ACVR1B: variants seen among roughly 807,000 people sequenced by gnomAD.
The protein encoded by ACVR1B is activin A receptor type 1B, also known as activin receptor type-1B.
A neutral mutation model predicts 55.6 loss-of-function variants in ACVR1B; 15 were observed. The ratio of observed to expected loss-of-function variants is 0.27; its 90% CI spans 0.18 to 0.42. The LOEUF is 0.42. ACVR1B is among the 10% of genes least tolerant of loss of function. The pLI is 1.00. For synonymous variants in ACVR1B, 247 were observed against 254.6 expected (o/e 0.97, Z 0.28); for missense variants, 359 against 670.1 (o/e 0.54, Z 5.13).
chr12:51,962,983 G>A (rs1042660396), intron 1 of ACVR1B, among the ~76,000 whole-genome samples: 21 of 152,150 alleles, frequency 1.4e-4, no homozygotes, highest in African/African-American at 4.6e-4. Context: ...AGAGATTCCC[G>A]GACACGGTGG....
chr12:51,983,113 C>A (rs1942011360), intron 4 of ACVR1B, among the ~76,000 whole-genome samples: 1 of 152,186 alleles, frequency 6.6e-6, no homozygotes, highest in Admixed American at 6.5e-5. Flanking sequence ...TCGTTCTTGC[C>A]TTTTTAACAT....
rs1407444251 is a variant in ACVR1B, at chr12:51,996,246, G to GTA, written c.*2138_*2139dup. 6.6e-6 allele frequency: 1 copy of GTA among 152,544 alleles called. No homozygotes were observed. The highest frequency in any genetic ancestry group is 6.5e-5 in the Admixed American group (1 of 15,278). 9.4% of individuals were successfully genotyped at this position (152,544 alleles called of 1,614,324 possible). On this transcript the variant is annotated 3_prime_UTR_variant, in exon 9 of 9. Coordinates refer to ENST00000257963, the MANE Select transcript of ACVR1B (RefSeq NM_004302.5). ...CCCCCTTCCTGTCCCCAGGGGAGGTGTATTGTGTATGTAGCCTTAGAGCAT... is the reference window on the plus strand; with the variant it reads ...CCCCCTTCCTGTCCCCAGGGGAGGTGTATATTGTGTATGTAGCCTTAGAGCAT...
At chr12:51,987,301 G>T in intron 7 of ACVR1B, 2 of 570,150 alleles carry the variant, frequency 3.5e-6, no homozygotes, top group Non-Finnish European at 6.2e-6. Context: ...TTCTAACGCG[G>T]TGGCTCCCAA....
chr12:51,969,387 A>G (rs549427674), intron 1 of ACVR1B, among the ~76,000 whole-genome samples: 4 of 152,264 alleles, frequency 2.6e-5, no homozygotes, highest in Non-Finnish European at 5.9e-5. Context: ...AACACAGTCT[A>G]TTTCTTTAAA....
At chr12:51,991,483 C>T (rs1264112382) in intron 7 of ACVR1B, among the ~76,000 whole-genome samples, 2 of 152,232 alleles carry the variant, frequency 1.3e-5, no homozygotes, top group Non-Finnish European at 2.9e-5. Context: ...CTCACTGCAA[C>T]CTCTGCCTCC....
intron 1 of ACVR1B, among the ~76,000 whole-genome samples, chr12:51,968,494 A>G (rs1941684596): frequency 1.3e-5 from 2 of 152,096 alleles, no homozygotes; most frequent in South Asian, 4.1e-4. Flanking sequence ...CTGCAACTAT[A>G]TTTCCCATCC....
In ACVR1B at chr12:51,976,309, C is replaced by T; in HGVS notation, c.332-18C>T. The T allele has an allele frequency of 6.2e-7, 1 of 1,613,490 alleles. No individual in the cohort carries two copies. The highest frequency in any genetic ancestry group is 8.5e-7 in the Non-Finnish European group (1 of 1,179,480). On this transcript the variant is annotated intron_variant, in intron 2 of 8. Transcript: ENST00000257963. The stretch of plus-strand genomic sequence containing the variant: ...TTTTACTTCTCATTCTTTCCCTCTC[C>T]TCTCTCACTTGACTCAGGTCACCTC...
Position 51,951,752 on chromosome 12 carries a change from G to C in ACVR1B, c.9G>C (p.Glu3Asp). 2.4e-6 allele frequency: 3 copies of C among 1,275,970 alleles called. No individual in the cohort carries two copies. In the African/African-American group the frequency reaches 4.6e-5, roughly 20 times the overall value. The allele number at this position is 1,275,970 out of a possible 1,614,324, so 79.0% of individuals were successfully genotyped here. MA[E>D]SAGASSFFPL... Reference sequence around the variant, plus strand: ...CGGCGGCGGTGGTTACTATGGCGGAGTCGGCCGGAGCCTCCTCCTTCTTCC... The same window carrying C: ...CGGCGGCGGTGGTTACTATGGCGGACTCGGCCGGAGCCTCCTCCTTCTTCC... The change falls in exon 1 of 9, where the codon GAG (glutamate) becomes GAC (aspartate). Residue 3 changes from glutamate to aspartate, a missense_variant. Glu to Asp is a conservative substitution (Grantham distance 45). This residue lies in a region of ACVR1B where 48 missense variants were observed against 40.6 expected (regional missense o/e 1.18). Transcript: ENST00000257963.
intron 1 of ACVR1B, among the ~76,000 whole-genome samples, chr12:51,954,651 G>C (rs1941374898): frequency 6.6e-6 from 1 of 152,136 alleles, no homozygotes; most frequent in South Asian, 2.1e-4. Flanking sequence ...GAGGGAGGAG[G>C]CTGGTTTTCA....
chr12:51,967,262 CAAAT>C (rs530836691), intron 1 of ACVR1B, among the ~76,000 whole-genome samples: 2 of 145,468 alleles, frequency 1.4e-5, no homozygotes, highest in African/African-American at 5.1e-5. Context: ...AACAAACAAA[CAAAT>C]AAAAACATTA....
chr12:51,960,169 C>A (rs34888988), intron 1 of ACVR1B: 1,875 of 152,412 alleles, frequency 0.012, 25 homozygotes, highest in South Asian at 0.067. Context: ...CCTGTAATCC[C>A]AACACTTTGG....
intron 1 of ACVR1B, among the ~76,000 whole-genome samples, chr12:51,958,613 A>G (rs1165128110): frequency 2.0e-5 from 3 of 150,632 alleles, no homozygotes; most frequent in Non-Finnish European, 4.4e-5. Context: ...ACGCCACTGC[A>G]CTCCAGCCTG....
chr12:51,963,686 A>G (rs1447911386), intron 1 of ACVR1B, among the ~76,000 whole-genome samples: 2 of 152,196 alleles, frequency 1.3e-5, no homozygotes, highest in African/African-American at 2.4e-5. Context: ...TTGTTCATTC[A>G]TCATTTGATG....
In ACVR1B at chr12:51,955,119, G is replaced by A. The variant is rs563641319; in HGVS notation, c.91+3285G>A. Among the ~76,000 whole-genome samples, 10 of 152,232 alleles carry A rather than the reference G, an allele frequency of 6.6e-5. No individual in the cohort carries two copies. In the East Asian group the frequency reaches 1.7e-3, roughly 26 times the overall value. On this transcript the variant is annotated intron_variant, in intron 1 of 8. Transcript: ENST00000257963. ...ACGTTTTAATTCTTACGCAACTCTG[G>A]GTATGTTTATGGCACTATGTAAATG...
chr12:51,981,274 C>A, intron 4 of ACVR1B, 75 bp downstream of exon 4: 1 of 1,241,480 alleles, frequency 8.1e-7, no homozygotes, highest in Non-Finnish European at 1.1e-6. Flanking sequence ...GGGTGCACAG[C>A]TCTGTTTGCC....
rs1044867006 is a variant in ACVR1B at position 51,994,830 on chromosome 12, CTT to C, written c.*723_*724del. 1 of 153,314 alleles carries C rather than the reference CTT, an allele frequency of 6.5e-6. No homozygotes were observed. Among genetic ancestry groups the C allele is most frequent in the Non-Finnish European group, 1.5e-5 (1 of 68,522 alleles). The allele number at this position is 153,314 out of a possible 1,614,324, so 9.5% of individuals were successfully genotyped here. A position where few individuals can be genotyped will look rare whatever the true frequency, so the allele number is the denominator to read the frequency against. On this transcript the variant is annotated 3_prime_UTR_variant, in exon 9 of 9. Transcript: ENST00000257963. The surrounding 1 kb of genome is among the most constrained non-coding windows in gnomAD (Gnocchi z 4.2). Reference sequence around the variant, plus strand: ...ATGCTGTCCGTGCTTGCTGGTGCCTCTTTTCAGTAGTGAGCAGCATCTAGTTT... The same window carrying C: ...ATGCTGTCCGTGCTTGCTGGTGCCTCTTCAGTAGTGAGCAGCATCTAGTTT...
chr12:51,981,580 C>T (rs1941980167), intron 4 of ACVR1B, among the ~76,000 whole-genome samples: 1 of 152,168 alleles, frequency 6.6e-6, no homozygotes, highest in Non-Finnish European at 1.5e-5. Flanking sequence ...GCATGTAATG[C>T]CAGCACTTTG....
Position 51,992,003 on chromosome 12 carries a change from T to A in ACVR1B, c.1392+10T>A. ...GTGGCAGAGTTATGAGGTAAGAAGC[T>A]GGCCTCCTGCGGCTTTCCCATCAGC... On this transcript the variant is annotated intron_variant, in intron 8 of 8. Coordinates refer to ENST00000257963, the MANE Select transcript of ACVR1B (RefSeq NM_004302.5). The A allele has an allele frequency of 6.2e-7, 1 of 1,614,248 alleles. No homozygotes were observed. Among genetic ancestry groups the A allele is most frequent in the Non-Finnish European group, 8.5e-7 (1 of 1,180,044 alleles).
At chr12:51,962,460 A>T (rs1404200717) in intron 1 of ACVR1B, among the ~76,000 whole-genome samples, 3 of 152,030 alleles carry the variant, frequency 2.0e-5, no homozygotes, top group Non-Finnish European at 4.4e-5. Context: ...GTTTTAATGT[A>T]TTTTTAAAAT....
Sources: gnomAD v4.1 joint callset for allele counts (sites outside exome capture counted in the v4.1 genomes callset) on GRCh38, gnomAD v4.1.1 for gene constraint, gnomAD v4.1.1 regional missense constraint, Gnocchi (gnomAD v3.1) non-coding constraint, MANE v1.5 for transcripts, NCBI Gene and HGNC (gene_info 2026-07-23, HGNC 2026-07-21) for gene names.